ADORA2B: variants seen among roughly 807,000 people sequenced by gnomAD.
ADORA2B encodes adenosine A2b receptor, also known as adenosine receptor A2b.
A neutral mutation model predicts 20.8 loss-of-function variants in ADORA2B; 18 were observed. The ratio of observed to expected loss-of-function variants is 0.87; its 90% confidence interval spans 0.60 to 1.29. The LOEUF is 1.29. ADORA2B is among the 50% of genes most tolerant of loss of function. The pLI, the probability that ADORA2B is intolerant of heterozygous loss-of-function variation, is 0.00. For missense variants in ADORA2B, 441 were observed against 422.7 expected, an observed-to-expected ratio of 1.04 and a Z score of -0.38; for synonymous variants, 179 against 178.3, an observed-to-expected ratio of 1.00 and a Z score of -0.03.
At chr17:15,865,616 C>T in the ADORA2B span, among the ~76,000 whole-genome samples, 5 of 152,190 alleles carry the variant, frequency 3.3e-5, no homozygotes, top group Admixed American at 2.0e-4. Flanking sequence ...AGTCACCACT[C>T]GCATCCAGAA....
At chr17:15,926,734 G>A in the ADORA2B span, among the ~76,000 whole-genome samples, 8 of 152,144 alleles carry the variant, frequency 5.3e-5, no homozygotes, top group Non-Finnish European at 1.0e-4. Flanking sequence ...TTGTTGGGAG[G>A]CCGAGGTGGG....
chr17:15,901,001 C>T, the ADORA2B span, among the ~76,000 whole-genome samples: 1 of 152,118 alleles, frequency 6.6e-6, no homozygotes, highest in Admixed American at 6.5e-5. Flanking sequence ...TGTACCGGGC[C>T]GTTTAGTCCA....
intron 1 of ADORA2B, among the ~76,000 whole-genome samples, chr17:15,948,407 G>GGGGGGGGGGGGGGGGGCCC (rs56222691): frequency 3.0e-5 from 1 of 33,688 alleles, no homozygotes; most frequent in Non-Finnish European, 1.3e-4. Context: ...GCGGCGGGGG[G>GGGGGGGGGGGGGGGGGCCC]CTCCAGTCCC....
Position 15,969,578 on chromosome 17 carries a change from C to T in ADORA2B, c.336-5101C>T, listed in dbSNP as rs143300721. On this transcript the variant is annotated intron_variant, in intron 1 of 1. Transcript: ENST00000304222. ...TCTTTATCCCACTCTTCCTTTAATC[C>T]TCTCTTTCAGGAAATGCAAATGCGT... Among the ~76,000 whole-genome samples the T allele has an allele frequency of 2.7e-4, 41 of 152,298 alleles. No homozygotes were observed. In the East Asian group the frequency reaches 6.7e-3, roughly 25 times the overall value.
the ADORA2B span, among the ~76,000 whole-genome samples, chr17:15,878,598 C>G: frequency 1.3e-5 from 2 of 152,180 alleles, no homozygotes; most frequent in African/African-American, 4.8e-5. Flanking sequence ...ATTTATACCT[C>G]TTGTACTTTT....
intron 1 of ADORA2B, among the ~76,000 whole-genome samples, chr17:15,973,577 C>G (rs183988626): frequency 1.2e-3 from 176 of 152,322 alleles, no homozygotes; most frequent in African/African-American, 4.0e-3. Flanking sequence ...CCTGTCAGAT[C>G]AGCAGCATTC....
chr17:15,972,636 T>C (rs528733063), intron 1 of ADORA2B, among the ~76,000 whole-genome samples: 20 of 152,354 alleles, frequency 1.3e-4, no homozygotes, highest in African/African-American at 4.8e-4. Flanking sequence ...TCACTTGTCA[T>C]AGAGCCTGCT....
At chr17:15,967,748 C>T (rs949863019) in intron 1 of ADORA2B, among the ~76,000 whole-genome samples, 6 of 152,138 alleles carry the variant, frequency 3.9e-5, no homozygotes, top group Non-Finnish European at 8.8e-5. Flanking sequence ...GTTTCCATGC[C>T]CTCCTTGGGT....
At chr17:15,882,973 G>A in the ADORA2B span, among the ~76,000 whole-genome samples, 5 of 152,230 alleles carry the variant, frequency 3.3e-5, no homozygotes, top group Admixed American at 2.6e-4. Context: ...CCCCAGGACA[G>A]CATGTGAGCC....
At chr17:15,852,344 C>T in the ADORA2B span, among the ~76,000 whole-genome samples, 1 of 151,834 alleles carries the variant, frequency 6.6e-6, no homozygotes, top group Non-Finnish European at 1.5e-5. Context: ...TCTTAAAACC[C>T]ATAGAAACAT....
the ADORA2B span, among the ~76,000 whole-genome samples, chr17:15,865,195 T>A: frequency 2.0e-5 from 3 of 152,240 alleles, no homozygotes; most frequent in Non-Finnish European, 4.4e-5. Flanking sequence ...TAAGTTTAAG[T>A]TTTTTGTGCG....
chr17:15,926,245 C>T, the ADORA2B span, among the ~76,000 whole-genome samples: 2 of 152,170 alleles, frequency 1.3e-5, no homozygotes, highest in East Asian at 3.9e-4. Flanking sequence ...GTAAGTGAGA[C>T]AAACGGGGTT....
At chr17:15,861,818 T>G in the ADORA2B span, among the ~76,000 whole-genome samples, 1 of 152,218 alleles carries the variant, frequency 6.6e-6, no homozygotes, top group African/African-American at 2.4e-5. Flanking sequence ...TCTTCCTGCT[T>G]CTTCATGTTG....
chr17:15,871,207 TCAAA>T, the ADORA2B span, among the ~76,000 whole-genome samples: 1 of 152,122 alleles, frequency 6.6e-6, no homozygotes, highest in Admixed American at 6.6e-5. Context: ...AACAAAAATA[TCAAA>T]CAGTGTAGAG....
intron 1 of ADORA2B, among the ~76,000 whole-genome samples, chr17:15,955,308 C>A (rs981050509): frequency 6.6e-6 from 1 of 152,164 alleles, no homozygotes; most frequent in Non-Finnish European, 1.5e-5. Flanking sequence ...TGGGACAAAT[C>A]CCCTGTGTAT....
the ADORA2B span, among the ~76,000 whole-genome samples, chr17:15,865,441 T>C: frequency 6.6e-6 from 1 of 150,996 alleles, no homozygotes; most frequent in Non-Finnish European, 1.5e-5. Context: ...TTTGTATTGT[T>C]ACTAGAGATG....
the ADORA2B span, among the ~76,000 whole-genome samples, chr17:15,852,211 G>A: frequency 2.5e-4 from 38 of 152,226 alleles, 1 homozygote; most frequent in East Asian, 6.7e-3. Context: ...GTTGCATCTT[G>A]TATTCAGTGC....
chr17:15,946,013 AG>A (rs1450960904), intron 1 of ADORA2B, among the ~76,000 whole-genome samples: 1 of 152,164 alleles, frequency 6.6e-6, no homozygotes, highest in Admixed American at 6.5e-5. Context: ...GTGCAGCGGC[AG>A]TCCCGTGAGT....
chr17:15,866,433 C>A, the ADORA2B span, among the ~76,000 whole-genome samples: 6 of 151,486 alleles, frequency 4.0e-5, no homozygotes, highest in African/African-American at 1.5e-4. Context: ...TGCAAATTGG[C>A]CATGTGGATA....
Sources: allele counts gnomAD v4.1 joint callset (sites outside exome capture counted in the v4.1 genomes callset), GRCh38; gene constraint gnomAD v4.1.1; transcripts MANE v1.5; gene names NCBI Gene and HGNC (gene_info 2026-07-23, HGNC 2026-07-21).